USP32: variants seen among roughly 807,000 people sequenced by gnomAD.
USP32 encodes ubiquitin specific peptidase 32.
USP32 carries 59 observed loss-of-function variants against 204.8 expected under a neutral mutation model. The observed-to-expected ratio is 0.29, with a 90% CI of 0.23 to 0.36. The LOEUF is 0.36. Ranked by LOEUF, USP32 falls within the 10% of genes least tolerant of loss-of-function variation. The pLI, the probability that USP32 is intolerant of heterozygous loss-of-function variation, is 1.00. For synonymous variants in USP32, 517 were observed against 678.4 expected (o/e 0.76, Z 3.70); for missense variants, 1,160 against 1,946.4 (o/e 0.60, Z 7.60).
chr17:60,190,981 T>G (rs979051031), intron 28 of USP32, among the ~76,000 whole-genome samples: 2 of 152,206 alleles, frequency 1.3e-5, no homozygotes, highest in Non-Finnish European at 2.9e-5. Flanking sequence ...GGGAATTGCC[T>G]GTTTGAGATA....
At chr17:60,310,485 G>A (rs546870406) in intron 2 of USP32, among the ~76,000 whole-genome samples, 27 of 152,160 alleles carry the variant, frequency 1.8e-4, no homozygotes, top group Non-Finnish European at 3.2e-4. Flanking sequence ...CAGATCATGA[G>A]GCGAAGAGAT....
At chr17:60,241,442 T>A (rs1018000293) in intron 11 of USP32, among the ~76,000 whole-genome samples, 14 of 134,858 alleles carry the variant, frequency 1.0e-4, no homozygotes, top group South Asian at 8.4e-4. Context: ...TTATTTTTTT[T>A]ATAATTTTTT....
chr17:60,366,689 C>G (rs951735756), intron 1 of USP32, among the ~76,000 whole-genome samples: 4 of 151,622 alleles, frequency 2.6e-5, no homozygotes, highest in Admixed American at 2.0e-4. Flanking sequence ...TCACTTGAGC[C>G]CAAGAGCTTG....
chr17:60,259,236 C>G (rs926232616), intron 9 of USP32, among the ~76,000 whole-genome samples: 2 of 152,084 alleles, frequency 1.3e-5, no homozygotes, highest in Non-Finnish European at 2.9e-5. Context: ...AAAGACCAAC[C>G]TGCGGTCTCT....
intron 7 of USP32, among the ~76,000 whole-genome samples, 160 bp from the exon 8 acceptor site, chr17:60,266,251 G>T (rs1207858113): frequency 6.6e-6 from 1 of 152,118 alleles, no homozygotes; most frequent in Non-Finnish European, 1.5e-5. Context: ...TGTCATTATA[G>T]TCCTCAGAAC....
chr17:60,247,526 G>C (rs1220112065), intron 11 of USP32, among the ~76,000 whole-genome samples: 5 of 152,088 alleles, frequency 3.3e-5, no homozygotes, highest in African/African-American at 9.7e-5. Context: ...AAGAAATTGG[G>C]AACTGGTTTC....
chr17:60,256,273 T>A (rs2086301940), intron 9 of USP32, among the ~76,000 whole-genome samples: 1 of 152,120 alleles, frequency 6.6e-6, no homozygotes, highest in South Asian at 2.1e-4. Context: ...TTTTGTTTTT[T>A]CAAAAAAGTT....
At chr17:60,360,470 C>T (rs1348437113) in intron 1 of USP32, among the ~76,000 whole-genome samples, 1 of 151,838 alleles carries the variant, frequency 6.6e-6, no homozygotes, top group Non-Finnish European at 1.5e-5. Context: ...ACCAGCCTGG[C>T]AAACATGGAG....
At chr17:60,394,378 G>A (rs1161572647), upstream of USP32, among the ~76,000 whole-genome samples, 1 of 152,190 alleles carries the variant, frequency 6.6e-6, no homozygotes, top group Non-Finnish European at 1.5e-5. Flanking sequence ...AGATGGCCTT[G>A]CTATACAAGG....
At chr17:60,217,358 G>A (rs35979046) in intron 16 of USP32, among the ~76,000 whole-genome samples, 8 of 152,116 alleles carry the variant, frequency 5.3e-5, no homozygotes, top group Admixed American at 6.5e-5. Flanking sequence ...TGCATGGCGC[G>A]ATCTCGGCTC....
chr17:60,414,161 G>A (rs1163237413), intron 1 of USP32, among the ~76,000 whole-genome samples: 3 of 151,634 alleles, frequency 2.0e-5, no homozygotes, highest in East Asian at 4.0e-4. Flanking sequence ...TCAGGAGTTC[G>A]AGACCAGCCT....
Position 60,309,593 on chromosome 17 carries a change from C to A in USP32, c.187-7889G>T, listed in dbSNP as rs371388811. On this transcript the variant is annotated intron_variant, in intron 2 of 33. Coordinates refer to ENST00000300896, the MANE Select transcript of USP32 (RefSeq NM_032582.4). ...CTCCAGTGTGGGCAATGAAGTGAGACACTTTCTAAAAAAAATAAAGAAATG... is the reference window on the plus strand; with the variant it reads ...CTCCAGTGTGGGCAATGAAGTGAGAAACTTTCTAAAAAAAATAAAGAAATG... Among the ~76,000 whole-genome samples, 200 of 152,106 alleles carry A rather than the reference C, an allele frequency of 1.3e-3. 1 individual carries two copies. The highest frequency in any genetic ancestry group is 4.5e-3 in the African/African-American group (187 of 41,504).
At chr17:60,295,813 T>C (rs1263614803) in intron 3 of USP32, among the ~76,000 whole-genome samples, 2 of 152,294 alleles carry the variant, frequency 1.3e-5, no homozygotes, top group South Asian at 2.1e-4. Flanking sequence ...ATCTTTATCA[T>C]AGATACATAT....
intron 5 of USP32, among the ~76,000 whole-genome samples, chr17:60,275,894 G>A (rs541820794): frequency 2.0e-5 from 3 of 148,284 alleles, no homozygotes; most frequent in Admixed American, 1.3e-4. Context: ...TGTATTTTTA[G>A]TAGAGACCTT....
At position 60,226,629 on chromosome 17, in the gene USP32, T is replaced by C. The variant is rs1008820990; in HGVS notation, c.1240-398A>G. Among the ~76,000 whole-genome samples, 12 of 152,266 alleles carry C rather than the reference T, an allele frequency of 7.9e-5. No individual in the cohort carries two copies. The South Asian group carries it at 1.0e-3, about 13-fold the overall frequency. On this transcript the variant is annotated intron_variant, in intron 12 of 33. Coordinates refer to ENST00000300896, the MANE Select transcript of USP32 (RefSeq NM_032582.4). The stretch of plus-strand genomic sequence containing the variant: ...GTCAATGTAGAAAATATAGAAAACA[T>C]GAAGAAAATATCACATGTACTCAGA...
At chr17:60,348,577 C>T (rs1343058152) in intron 1 of USP32, among the ~76,000 whole-genome samples, 1 of 152,116 alleles carries the variant, frequency 6.6e-6, no homozygotes, top group Non-Finnish European at 1.5e-5. Flanking sequence ...GAGTTAGAGA[C>T]CACCCTAGGC....
Position 60,258,582 on chromosome 17 carries a change from G to C in USP32, c.991-3324C>G, listed in dbSNP as rs34043067. Among the ~76,000 whole-genome samples the C allele has an allele frequency of 5.3e-5, 8 of 152,300 alleles. No individual in the cohort carries two copies. The South Asian group carries it at 1.7e-3, about 32-fold the overall frequency. On this transcript the variant is annotated intron_variant, in intron 9 of 33. Coordinates refer to ENST00000300896, the MANE Select transcript of USP32 (RefSeq NM_032582.4). Reference sequence around the variant, plus strand: ...GGAGATTAAGATGCCTTGAATTGTAGGGTGTTGTATACTTAGAAAGTAACA... The same window carrying C: ...GGAGATTAAGATGCCTTGAATTGTACGGTGTTGTATACTTAGAAAGTAACA...
At chr17:60,413,876 G>GAAAAAAAA (rs753405307) in intron 1 of USP32, among the ~76,000 whole-genome samples, 4 of 95,100 alleles carry the variant, frequency 4.2e-5, no homozygotes, top group South Asian at 3.9e-4. Context: ...AAAAAAAAAA[G>GAAAAAAAA]AAAAAAAAAA....
At chr17:60,193,418 T>C (rs1227554341) in intron 27 of USP32, among the ~76,000 whole-genome samples, 1 of 152,234 alleles carries the variant, frequency 6.6e-6, no homozygotes, top group African/African-American at 2.4e-5. Flanking sequence ...ATAAGCTACA[T>C]ACCATTTTTG....
Sources: gnomAD v4.1 joint callset for allele counts (sites outside exome capture counted in the v4.1 genomes callset) on GRCh38, gnomAD v4.1.1 for gene constraint, MANE v1.5 for transcripts, NCBI Gene and HGNC (gene_info 2026-07-23, HGNC 2026-07-21) for gene names.